Variants in CAVIN1 observed in about 807,000 individuals in gnomAD.
CAVIN1 encodes the protein caveolae associated protein 1.
CAVIN1 carries 16 observed loss-of-function variants against 24.0 expected under a neutral mutation model. That is an observed-to-expected ratio of 0.67 (90% CI 0.45 to 1.01). The LOEUF (loss-of-function observed/expected upper bound fraction) is 1.01, where lower values mean the gene tolerates loss of function less well. CAVIN1 is among the 50% of genes least tolerant of loss of function. The probability of loss-of-function intolerance (pLI) is 0.00; values close to 1 mark genes in which losing one functional copy is unlikely to be tolerated. For synonymous variants in CAVIN1, 256 were observed against 256.4 expected (o/e 1.00, Z 0.02); for missense variants, 510 against 551.7 (o/e 0.92, Z 0.76).
intron 1 of CAVIN1, among the ~76,000 whole-genome samples, chr17:42,418,871 T>A (rs2085528435): frequency 6.9e-6 from 1 of 144,994 alleles, no homozygotes; most frequent in Admixed American, 6.8e-5. Flanking sequence ...TCCATAGTAA[T>A]TAAAAATAAA....
rs61729284 is a variant in CAVIN1, at chr17:42,422,845, C to A, written c.253G>T (p.Ala85Ser). 3.7e-6 allele frequency: 6 copies of A among 1,613,636 alleles called. No homozygotes were observed. The Admixed American group carries it at 6.7e-5, about 18-fold the overall frequency. The change falls in exon 1 of 2, where the codon GCA becomes TCA. Residue 85 changes from alanine to serine, a missense_variant. By Grantham distance (99) the Ala-to-Ser change is moderately conservative. Transcript: ENST00000357037. ...LEERQAEMEG[A>S]VQSIQGELSK... ...AGCTCGCCCTGGATGCTCTGCACTGCGCCCTCCATCTCCGCCTGCCGCTCC... is the reference window on the plus strand; with the variant it reads ...AGCTCGCCCTGGATGCTCTGCACTGAGCCCTCCATCTCCGCCTGCCGCTCC...
chr17:42,413,750 A>G (rs969880905), intron 1 of CAVIN1, among the ~76,000 whole-genome samples: 15 of 152,012 alleles, frequency 9.9e-5, no homozygotes, highest in African/African-American at 3.6e-4. Flanking sequence ...CCATAATCAT[A>G]GGAAGACTAT....
intron 1 of CAVIN1, chr17:42,411,338 A>G (rs2085477114): frequency 1.5e-5 from 9 of 616,780 alleles, no homozygotes; most frequent in Non-Finnish European, 1.8e-5. Flanking sequence ...GGATCACTTG[A>G]GCCCCAGGAG....
chr17:42,419,754 A>G (rs1270275285), intron 1 of CAVIN1, among the ~76,000 whole-genome samples: 1 of 152,154 alleles, frequency 6.6e-6, no homozygotes, highest in Non-Finnish European at 1.5e-5. Context: ...CGCCTGATAG[A>G]ATGCAATGTC....
intron 1 of CAVIN1, among the ~76,000 whole-genome samples, chr17:42,413,877 C>T (rs1261107429): frequency 6.6e-6 from 1 of 152,110 alleles, no homozygotes; most frequent in Admixed American, 6.6e-5. Flanking sequence ...CAGAGTCAGA[C>T]TCTGCCAATC....
At chr17:42,419,830 A>G (rs2085534261) in intron 1 of CAVIN1, among the ~76,000 whole-genome samples, 2 of 151,694 alleles carry the variant, frequency 1.3e-5, no homozygotes, top group South Asian at 4.1e-4. Flanking sequence ...ATGACTCAGA[A>G]GTGAGTTTAA....
In CAVIN1 at chr17:42,405,682, G is replaced by GTTTTTTTTTT. The variant is rs531661585; in HGVS notation, c.472-304_472-295dup. 9.3e-4 allele frequency among the ~76,000 whole-genome samples: 54 copies of GTTTTTTTTTT among 57,796 alleles called. No individual in the cohort carries two copies. In the South Asian group the frequency reaches 0.013, roughly 14 times the overall value. 37.9% of individuals were successfully genotyped at this position (57,796 alleles called of 152,430 possible). A position where few individuals can be genotyped will look rare whatever the true frequency, so the allele number is the denominator to read the frequency against. ...CCATTCTTTCTCTCTCTCTCTCCTTGTTTTTTTTTTTTTTTTTTTTTTTAA... is the reference window on the plus strand; with the variant it reads ...CCATTCTTTCTCTCTCTCTCTCCTTGTTTTTTTTTTTTTTTTTTTTTTTTTTTTTTTTTAA... On this transcript the variant is annotated intron_variant, in intron 1 of 1. Coordinates refer to ENST00000357037, the MANE Select transcript of CAVIN1 (RefSeq NM_012232.6).
At chr17:42,412,249 G>A in intron 1 of CAVIN1, 3 of 985,130 alleles carry the variant, frequency 3.0e-6, no homozygotes, top group Non-Finnish European at 3.6e-6. Context: ...CTTCTTCTTG[G>A]GCTAAGATGA....
chr17:42,409,155 C>T (rs954871886), intron 1 of CAVIN1, among the ~76,000 whole-genome samples: 3 of 151,590 alleles, frequency 2.0e-5, no homozygotes, highest in African/African-American at 7.3e-5. Flanking sequence ...GGCTGAAGTG[C>T]AGTGGCATGA....
At chr17:42,407,701 C>T (rs1236494814) in intron 1 of CAVIN1, among the ~76,000 whole-genome samples, 1 of 152,208 alleles carries the variant, frequency 6.6e-6, no homozygotes, top group Non-Finnish European at 1.5e-5. Context: ...GACCTGGGCA[C>T]AGGGCATGCT....
At chr17:42,414,244 G>T (rs985436035) in intron 1 of CAVIN1, among the ~76,000 whole-genome samples, 1 of 152,022 alleles carries the variant, frequency 6.6e-6, no homozygotes, top group Non-Finnish European at 1.5e-5. Flanking sequence ...GACACAGGAT[G>T]CTACCCCAAA....
intron 1 of CAVIN1, among the ~76,000 whole-genome samples, chr17:42,411,130 T>C (rs1346414195): frequency 2.0e-5 from 2 of 102,446 alleles, no homozygotes; most frequent in Admixed American, 2.7e-4. Flanking sequence ...GAGGTGGAGG[T>C]TGTAGTTAGC....
At position 42,404,382 on chromosome 17, in the gene CAVIN1, C is replaced by A. The variant is rs371001398; in HGVS notation, c.*305G>T. The A allele has an allele frequency of 1.5e-3, 390 of 255,488 alleles. 3 individuals are homozygous for A. Among genetic ancestry groups the A allele is most frequent in the African/African-American group, 8.3e-3 (365 of 44,100 alleles). 15.8% of individuals were successfully genotyped at this position (255,488 alleles called of 1,614,324 possible). A position where few individuals can be genotyped will look rare whatever the true frequency, so the allele number is the denominator to read the frequency against. ...GAGGCTGAGGGGAAGGCAGCCCCCC[C>A]AGGGGGGCCTAACCGTGGAATCACT... On this transcript the variant is annotated 3_prime_UTR_variant, in exon 2 of 2. Coordinates refer to ENST00000357037, the MANE Select transcript of CAVIN1 (RefSeq NM_012232.6).
chr17:42,412,350 A>T, intron 1 of CAVIN1: 1 of 759,288 alleles, frequency 1.3e-6, no homozygotes, highest in Non-Finnish European at 1.6e-6. Flanking sequence ...GCTGGTGAGT[A>T]GGGAGGGGAG....
intron 1 of CAVIN1, among the ~76,000 whole-genome samples, chr17:42,413,566 GAAAAAAAA>G (rs60085741): frequency 0.27 from 14,954 of 55,366 alleles, 769 homozygotes; most frequent in East Asian, 0.36. Flanking sequence ...CTCAAAAAGG[GAAAAAAAA>G]AAAAAAAAAA....
chr17:42,405,083 G>A lies in CAVIN1; in HGVS notation c.777C>T (p.Thr259=), dbSNP rs924884373. ...GCCGCGTCTTCTCCAGGTTTTCCTT[G>A]GTCTTGAGGCGCGTCTTCTCCAGGT... The part of the protein sequence containing the change: ...RENLEKTRLK[T]KENLEKTRHT... The change falls in exon 2 of 2, where the codon ACC becomes ACT. Residue 259 remains threonine (T), a synonymous_variant. Coordinates refer to ENST00000357037, the MANE Select transcript of CAVIN1 (RefSeq NM_012232.6). The A allele has an allele frequency of 7.4e-6, 12 of 1,613,988 alleles. No individual in the cohort carries two copies. Among genetic ancestry groups the A allele is most frequent in the Non-Finnish European group, 1.0e-5 (12 of 1,180,014 alleles).
chr17:42,411,204 A>AAAAAAAAAAAC, intron 1 of CAVIN1, among the ~76,000 whole-genome samples: 2 of 147,198 alleles, frequency 1.4e-5, no homozygotes, highest in African/African-American at 5.0e-5. Context: ...AAAAAAAAAA[A>AAAAAAAAAAAC]AAAAACTAAA....
intron 1 of CAVIN1, among the ~76,000 whole-genome samples, chr17:42,413,855 C>T (rs184027816): frequency 2.6e-4 from 39 of 152,248 alleles, no homozygotes; most frequent in Non-Finnish European, 4.4e-4. Flanking sequence ...AGGCACACAA[C>T]TTCACTGTCT....
chr17:42,415,520 G>A lies in CAVIN1; in HGVS notation c.471+7107C>T, dbSNP rs147745001. On this transcript the variant is annotated intron_variant, in intron 1 of 1. Transcript: ENST00000357037. ...TTGAGCTCAGGAATTGGAGACCCTG[G>A]GCAATGTGGAGAAACCCCATCTCCA... Among the ~76,000 whole-genome samples the A allele has an allele frequency of 3.4e-3, 521 of 151,830 alleles. 3 individuals carry two copies. Among genetic ancestry groups the A allele is most frequent in the African/African-American group, 0.011 (461 of 41,382 alleles).
Sources: allele counts gnomAD v4.1 joint callset (sites outside exome capture counted in the v4.1 genomes callset), GRCh38; gene constraint gnomAD v4.1.1; transcripts MANE v1.5; gene names NCBI Gene and HGNC (gene_info 2026-07-23, HGNC 2026-07-21).